Variants in DPP6 observed in about 807,000 individuals in gnomAD.
DPP6 encodes A-type potassium channel modulatory protein DPP6.
A neutral mutation model predicts 122.6 loss-of-function variants in DPP6; 69 were observed. That is an observed-to-expected ratio of 0.56 (90% confidence interval 0.46 to 0.69). The LOEUF (loss-of-function observed/expected upper bound fraction) is 0.69. Among genes scored for constraint, DPP6 ranks in the 30% least tolerant of loss-of-function variants. The pLI is 0.00. For synonymous variants in DPP6, 418 were observed against 433.1 expected, an observed-to-expected ratio of 0.97 and a Z score of 0.43; for missense variants, 928 against 1,116.9, an observed-to-expected ratio of 0.83 and a Z score of 2.41.
intron 1 of DPP6, among the ~76,000 whole-genome samples, chr7:154,168,091 G>A (rs1051285218): frequency 6.6e-6 from 1 of 152,144 alleles, no homozygotes; most frequent in Non-Finnish European, 1.5e-5. Context: ...AGATAACACC[G>A]GGGAAACCAG....
chr7:154,138,444 T>C (rs1349552310), intron 1 of DPP6, among the ~76,000 whole-genome samples: 3 of 152,222 alleles, frequency 2.0e-5, no homozygotes, highest in African/African-American at 7.2e-5. Context: ...AACTCTGTAA[T>C]AGAATTGGAC....
chr7:154,358,685 A>G (rs1453701074), intron 1 of DPP6, among the ~76,000 whole-genome samples: 3 of 152,062 alleles, frequency 2.0e-5, no homozygotes, highest in Non-Finnish European at 2.9e-5. Flanking sequence ...ACTAATATTG[A>G]TTTTACAGTT....
intron 1 of DPP6, among the ~76,000 whole-genome samples, chr7:154,060,094 G>C (rs1205127408): frequency 6.9e-6 from 1 of 145,480 alleles, no homozygotes. Flanking sequence ...CATCGCAGGG[G>C]GGGAGGCAAT....
intron 1 of DPP6, among the ~76,000 whole-genome samples, chr7:154,399,815 G>A (rs1815414022): frequency 6.6e-6 from 1 of 152,182 alleles, no homozygotes. Flanking sequence ...GGCTAAGAAA[G>A]GATATCATTT....
intron 1 of DPP6, among the ~76,000 whole-genome samples, chr7:153,934,679 C>G (rs942559949): frequency 6.6e-6 from 1 of 152,198 alleles, no homozygotes; most frequent in Admixed American, 6.5e-5. Flanking sequence ...CAGACACTCA[C>G]AGCTGTCATC....
rs937923268 is a variant in DPP6 at position 154,863,102 on chromosome 7, A to G, written c.1715-4893A>G. ...TTCTTTGGAGAGATCAGGTCTCCCT[A>G]TGTTGCCCAGGCTGGTCTCGGACTC... On this transcript the variant is annotated intron_variant, in intron 17 of 25. Transcript: ENST00000377770. The surrounding 1 kb of genome is among the most constrained non-coding windows in gnomAD (Gnocchi z 4.1). 2.0e-5 allele frequency among the ~76,000 whole-genome samples: 3 copies of G among 151,888 alleles called. No homozygotes were observed. The highest frequency in any genetic ancestry group is 6.6e-5 in the Admixed American group (1 of 15,256).
At chr7:154,364,283 C>T (rs150032361) in intron 1 of DPP6, among the ~76,000 whole-genome samples, 192 of 152,244 alleles carry the variant, frequency 1.3e-3, no homozygotes, top group Middle Eastern at 3.4e-3. Flanking sequence ...TCACCATCCC[C>T]GCCCTCAGAC....
At chr7:153,934,037 A>G (rs1010848728) in intron 1 of DPP6, among the ~76,000 whole-genome samples, 18 of 152,276 alleles carry the variant, frequency 1.2e-4, no homozygotes, top group African/African-American at 4.3e-4. Flanking sequence ...AGCCTAGGCT[A>G]TTTACTTTCT....
At chr7:154,536,135 A>C (rs1311652270) in intron 3 of DPP6, among the ~76,000 whole-genome samples, 3 of 152,194 alleles carry the variant, frequency 2.0e-5, no homozygotes, top group African/African-American at 7.2e-5. Context: ...ACATTAATAC[A>C]TGGAATAACA....
intron 1 of DPP6, among the ~76,000 whole-genome samples, chr7:154,088,745 A>G (rs1804608686): frequency 6.6e-6 from 1 of 151,934 alleles, no homozygotes; most frequent in Admixed American, 6.6e-5. Flanking sequence ...CACTGTGCTC[A>G]GTTCTAGGAG....
intron 8 of DPP6, among the ~76,000 whole-genome samples, chr7:154,749,760 A>C (rs112115433): frequency 1.9e-5 from 1 of 51,810 alleles, no homozygotes; most frequent in Non-Finnish European, 3.9e-5. Flanking sequence ...AGAGGGATGG[A>C]GGCTTTACTG....
At chr7:154,861,850 G>A (rs1440051292) in intron 17 of DPP6, among the ~76,000 whole-genome samples, 1 of 151,748 alleles carries the variant, frequency 6.6e-6, no homozygotes, top group Non-Finnish European at 1.5e-5. Flanking sequence ...GCTTCTTTTT[G>A]TTTCTGTAGA....
intron 7 of DPP6, among the ~76,000 whole-genome samples, chr7:154,703,052 G>A (rs940301611): frequency 6.6e-6 from 1 of 152,168 alleles, no homozygotes; most frequent in African/African-American, 2.4e-5. Flanking sequence ...CTCCGCCTAT[G>A]CTCTGTAAAT....
intron 4 of DPP6, among the ~76,000 whole-genome samples, chr7:154,557,028 C>T (rs563928942): frequency 2.6e-5 from 4 of 152,266 alleles, no homozygotes; most frequent in South Asian, 2.1e-4. Context: ...CAGGGCCACT[C>T]GTTCTGAGAA....
At chr7:154,406,826 G>A (rs1179264709) in intron 1 of DPP6, among the ~76,000 whole-genome samples, 1 of 152,154 alleles carries the variant, frequency 6.6e-6, no homozygotes, top group Admixed American at 6.5e-5. Flanking sequence ...ATAAAGAGCA[G>A]GATGAATGCC....
Position 154,795,850 on chromosome 7 carries a change from C to T in DPP6, c.1266C>T (p.His422=), listed in dbSNP as rs377039321. The T allele has an allele frequency of 1.1e-5, 17 of 1,611,612 alleles. No individual in the cohort carries two copies. The East Asian group carries it at 1.3e-4, about 13-fold the overall frequency. The part of the protein sequence containing the change: ...DATTGVCTKK[H]EDESEAWLHR... ...ATGCTCTCATTTCATTTCAGAAACA[C>T]GAGGATGAAAGTGAGGCCTGGCTCC... is the stretch of plus-strand genomic sequence containing the variant. Residue 422 remains histidine (H), a synonymous_variant, in exon 12 of 26, where the codon CAC becomes CAT. Coordinates refer to ENST00000377770, the MANE Select transcript of DPP6 (RefSeq NM_130797.4).
the DPP6 span, among the ~76,000 whole-genome samples, chr7:153,780,832 C>T: frequency 1.3e-5 from 2 of 152,094 alleles, no homozygotes; most frequent in Non-Finnish European, 2.9e-5. Flanking sequence ...CCTCCAAGTT[C>T]CCATTTGGAT....
intron 1 of DPP6, among the ~76,000 whole-genome samples, chr7:153,940,148 A>G (rs998869603): frequency 2.0e-5 from 3 of 152,216 alleles, no homozygotes; most frequent in Admixed American, 6.5e-5. Flanking sequence ...GTTCCAGGAC[A>G]TAGGATGCAG....
intron 1 of DPP6, among the ~76,000 whole-genome samples, chr7:153,915,905 C>T (rs1355694462): frequency 6.6e-6 from 1 of 152,108 alleles, no homozygotes; most frequent in Non-Finnish European, 1.5e-5. Context: ...CCAACCTGGG[C>T]CAGTGGTGGA....
Sources: gnomAD v4.1 joint callset for allele counts (sites outside exome capture counted in the v4.1 genomes callset) on GRCh38, gnomAD v4.1.1 for gene constraint, Gnocchi (gnomAD v3.1) non-coding constraint, MANE v1.5 for transcripts, NCBI Gene and HGNC (gene_info 2026-07-23, HGNC 2026-07-21) for gene names.